Variants in DLG5 observed in about 807,000 individuals in gnomAD.
DLG5 encodes disks large homolog 5.
DLG5 carries 48 observed loss-of-function variants against 189.8 expected under a neutral mutation model. That is an observed-to-expected ratio of 0.25 (90% CI 0.20 to 0.32). The LOEUF (loss-of-function observed/expected upper bound fraction) is 0.32, where lower values mean the gene tolerates loss of function less well. Ranked by LOEUF, DLG5 falls within the 10% of genes least tolerant of loss-of-function variation. The pLI, the probability that DLG5 is intolerant of heterozygous loss-of-function variation, is 1.00. For synonymous variants in DLG5, 1,016 were observed against 1,054.1 expected (o/e 0.96, Z 0.70); for missense variants, 2,160 against 2,544.7 (o/e 0.85, Z 3.25).
chr10:77,882,007 C>T lies in DLG5; in HGVS notation c.305-12810G>A, dbSNP rs553338637. 8.5e-5 allele frequency among the ~76,000 whole-genome samples: 13 copies of T among 152,364 alleles called. No homozygotes were observed. In the East Asian group the frequency reaches 9.6e-4, roughly 11 times the overall value. ...CCCCCTCTTTCTTCAATGTCATCTA[C>T]ACTGCCCTCCTCATCTACTTCGTGG... is the stretch of plus-strand genomic sequence containing the variant. On this transcript the variant is annotated intron_variant, in intron 1 of 31. Coordinates refer to ENST00000372391, the MANE Select transcript of DLG5 (RefSeq NM_004747.4).
chr10:77,927,815 C>A (rs1344083978), upstream of DLG5: 1 of 152,270 alleles, frequency 6.6e-6, no homozygotes, highest in East Asian at 1.9e-4. Context: ...CTGCTTACCT[C>A]CCTGACTGCA....
upstream of DLG5, chr10:77,928,658 G>A (rs977744646): frequency 6.6e-6 from 1 of 152,276 alleles, no homozygotes; most frequent in Non-Finnish European, 1.5e-5. Flanking sequence ...TAGAAAGCTA[G>A]TTGGAGGAAG....
At chr10:77,812,094 G>A (rs774997139) in intron 21 of DLG5, 37 bp from the exon 22 acceptor site, 175 of 1,603,740 alleles carry the variant, frequency 1.1e-4, no homozygotes, top group Non-Finnish European at 1.4e-4. Context: ...TGGGGGGGTC[G>A]GGGCTGTGGA....
At chr10:77,814,505 A>ATATATATATATATATATATATC (rs36102159) in intron 20 of DLG5, among the ~76,000 whole-genome samples, 1 of 110,256 alleles carries the variant, frequency 9.1e-6, no homozygotes, top group African/African-American at 3.4e-5. Context: ...ATATATATAT[A>ATATATATATATATATATATATC]TCCAAAGGGT....
Position 77,821,567 on chromosome 10 carries a change from T to C in DLG5, c.2917A>G (p.Ile973Val), listed in dbSNP as rs775208018. ...CGTTTGAAAGTGTTAGGGTCAAAGA[T>C]GGACTTTCTTTGCTTTGGCTTTTTA... The part of the protein sequence containing the change: ...VYKKPKQRKS[I>V]FDPNTFKRPQ... Residue 973 changes from isoleucine (I) to valine (V), a missense_variant, in exon 15 of 32, where the codon ATC becomes GTC. This residue lies in a region of DLG5 where 754 missense variants were observed against 746.5 expected (regional missense o/e 1.01). Transcript: ENST00000372391. 1.9e-6 allele frequency: 3 copies of C among 1,612,958 alleles called. No individual in the cohort carries two copies. Among genetic ancestry groups the C allele is most frequent in the Admixed American group, 1.7e-5 (1 of 60,036 alleles).
Position 77,807,825 on chromosome 10 carries a change from C to G in DLG5, c.4767G>C (p.Lys1589Asn). ...TGTAGAAGCTGTCACCAGGCAGGCCCTTGGCCTTCGTGAACTCCTCAGGGC... is the reference window on the plus strand; with the variant it reads ...TGTAGAAGCTGTCACCAGGCAGGCCGTTGGCCTTCGTGAACTCCTCAGGGC... ...QYRPEEFTKAKGLPGDSFYIR... is the reference protein window; with the variant it reads ...QYRPEEFTKANGLPGDSFYIR... The change falls in exon 25 of 32, where the codon AAG (lysine) becomes AAC (asparagine). Residue 1589 changes from lysine to asparagine, a missense_variant. Lys to Asn is a moderately conservative substitution (Grantham distance 94, BLOSUM62 0). Around this residue, in one of 5 missense-constraint regions of DLG5, gnomAD observed 574 missense variants for 644.2 expected, o/e 0.89. Transcript: ENST00000372391. 6.2e-7 allele frequency: 1 copy of G among 1,614,130 alleles called. No homozygotes were observed. Among genetic ancestry groups the G allele is most frequent in the Middle Eastern group, 1.7e-4 (1 of 6,060 alleles).
At chr10:77,851,684 C>T (rs2154576621) in intron 5 of DLG5, among the ~76,000 whole-genome samples, 1 of 152,358 alleles carries the variant, frequency 6.6e-6, no homozygotes, top group South Asian at 2.1e-4. Flanking sequence ...CTTGCTGAGC[C>T]TGCCCTGGTT....
intron 5 of DLG5, among the ~76,000 whole-genome samples, chr10:77,847,863 C>T (rs1843770219): frequency 1.3e-5 from 2 of 152,152 alleles, no homozygotes; most frequent in Admixed American, 6.5e-5. Flanking sequence ...CGCCCCACCA[C>T]ACCTGGCTGA....
intron 1 of DLG5, among the ~76,000 whole-genome samples, chr10:77,920,788 C>A (rs571361148): frequency 6.6e-6 from 1 of 152,292 alleles, no homozygotes; most frequent in African/African-American, 2.4e-5. Flanking sequence ...ATGTTCAGAC[C>A]CGTGGGAAAA....
intron 11 of DLG5, 114 bp from the exon 12 acceptor site, chr10:77,829,644 G>T: frequency 3.2e-6 from 4 of 1,259,382 alleles, no homozygotes; most frequent in South Asian, 1.4e-5. Flanking sequence ...TCACATACAC[G>T]CTCAGAAAAT....
intron 2 of DLG5, among the ~76,000 whole-genome samples, chr10:77,861,357 C>T (rs1031435921): frequency 6.6e-6 from 1 of 152,206 alleles, no homozygotes; most frequent in Admixed American, 6.5e-5. Flanking sequence ...CACCACCAGG[C>T]CCAGTAACCT....
chr10:77,868,755 T>A (rs1482733242), intron 2 of DLG5: 2 of 271,516 alleles, frequency 7.4e-6, no homozygotes, highest in Admixed American at 5.1e-5. Flanking sequence ...CAATTCAGCA[T>A]GGACTGGCAA....
At chr10:77,916,904 A>AATATATATATATATAT (rs55841913) in intron 1 of DLG5, among the ~76,000 whole-genome samples, 1,358 of 128,888 alleles carry the variant, frequency 0.011, 17 homozygotes, top group East Asian at 0.021. Context: ...TAAAATATAG[A>AATATATATATATATAT]ATATATATAT....
chr10:77,796,001 G>T lies in DLG5; in HGVS notation c.5436+60C>A. On this transcript the variant is annotated intron_variant, in intron 29 of 31. Transcript: ENST00000372391. This position sits in a 1 kb window ranked among gnomAD's most constrained non-coding sequence, Gnocchi z 5.2. ...CAGAGGATCACGGACCAGGGGCCTA[G>T]ACCTGTGCACAGGAGGTCTAATACT... is the stretch of plus-strand genomic sequence containing the variant. 1 of 1,612,080 alleles carries T rather than the reference G, an allele frequency of 6.2e-7. No individual in the cohort carries two copies. The highest frequency in any genetic ancestry group is 1.1e-5 in the South Asian group (1 of 90,914).
At chr10:77,825,045 C>T (rs1842550731) in intron 13 of DLG5, among the ~76,000 whole-genome samples, 1 of 152,144 alleles carries the variant, frequency 6.6e-6, no homozygotes, top group Non-Finnish European at 1.5e-5. Context: ...CTGTGATACA[C>T]CCACATTGCA....
intron 9 of DLG5, among the ~76,000 whole-genome samples, chr10:77,831,711 C>G (rs1842903608): frequency 1.3e-5 from 2 of 152,204 alleles, no homozygotes; most frequent in African/African-American, 4.8e-5. Context: ...ACTAATGATG[C>G]TGGAGCGACT....
intron 14 of DLG5, 80 bp downstream of exon 14, chr10:77,824,304 C>A: frequency 9.2e-7 from 1 of 1,085,830 alleles, no homozygotes. Flanking sequence ...CCTGTGACCC[C>A]AAGGAGTAGC....
At chr10:77,800,232 C>T (rs1841129566) in intron 27 of DLG5, among the ~76,000 whole-genome samples, 1 of 152,224 alleles carries the variant, frequency 6.6e-6, no homozygotes, top group African/African-American at 2.4e-5. Context: ...TATAATGGAA[C>T]AGCTTGCAGC....
chr10:77,935,668 C>T, the DLG5 span, among the ~76,000 whole-genome samples: 15 of 152,322 alleles, frequency 9.8e-5, 1 homozygote, highest in South Asian at 3.1e-3. Context: ...TGCGTGTGCA[C>T]ACATAAGTGT....
Sources: gnomAD v4.1 joint callset for allele counts (sites outside exome capture counted in the v4.1 genomes callset) on GRCh38, gnomAD v4.1.1 for gene constraint, gnomAD v4.1.1 regional missense constraint, Gnocchi (gnomAD v3.1) non-coding constraint, MANE v1.5 for transcripts, NCBI Gene and HGNC (gene_info 2026-07-23, HGNC 2026-07-21) for gene names.